TIMD4: variants seen among roughly 807,000 people sequenced by gnomAD.
TIMD4 encodes the protein T-cell immunoglobulin and mucin domain-containing protein 4.
Under a neutral mutation model 41.2 loss-of-function variants are expected in TIMD4, and 31 were observed. That is an observed-to-expected ratio of 0.75 (90% CI 0.57 to 1.01). TIMD4 has a LOEUF of 1.01. TIMD4 is among the 50% of genes least tolerant of loss of function. TIMD4 has a pLI of 0.00. For synonymous variants in TIMD4, 204 were observed against 177.1 expected (o/e 1.15, Z -1.21); for missense variants, 479 against 472.5 (o/e 1.01, Z -0.13).
chr5:156,944,574 G>A lies in TIMD4; in HGVS notation c.844+3842C>T, dbSNP rs1427447068. Among the ~76,000 whole-genome samples, 9 of 145,788 alleles carry A rather than the reference G, an allele frequency of 6.2e-5. No homozygotes were observed. The East Asian group carries it at 8.0e-4, about 13-fold the overall frequency. Reference sequence around the variant, plus strand: ...GGCTGGAGTACAGTGGCGCGATCTCGGCTCACTGCAAGCTCCGCCTCCTGG... The same window carrying A: ...GGCTGGAGTACAGTGGCGCGATCTCAGCTCACTGCAAGCTCCGCCTCCTGG... On this transcript the variant is annotated intron_variant, in intron 5 of 8. Coordinates refer to ENST00000274532, the MANE Select transcript of TIMD4 (RefSeq NM_138379.3).
intron 5 of TIMD4, among the ~76,000 whole-genome samples, chr5:156,934,428 G>A (rs1759502366): frequency 1.3e-5 from 2 of 151,816 alleles, no homozygotes; most frequent in African/African-American, 4.9e-5. Flanking sequence ...GCTAGTGTGT[G>A]TGGTTTTTTT....
chr5:156,927,807 T>C (rs1759375596), intron 5 of TIMD4, among the ~76,000 whole-genome samples: 1 of 150,318 alleles, frequency 6.7e-6, no homozygotes, highest in South Asian at 2.1e-4. Flanking sequence ...GGGGAAGGAG[T>C]GGAGAAGGGT....
intron 1 of TIMD4, among the ~76,000 whole-genome samples, chr5:156,957,998 G>A (rs547256023): frequency 6.6e-6 from 1 of 152,126 alleles, no homozygotes; most frequent in African/African-American, 2.4e-5. Context: ...ATCTGGCCGG[G>A]CGCGGTGGCT....
intron 5 of TIMD4, among the ~76,000 whole-genome samples, chr5:156,928,561 G>A (rs1241140378): frequency 6.6e-6 from 1 of 152,084 alleles, no homozygotes; most frequent in Non-Finnish European, 1.5e-5. Flanking sequence ...GAGAGGTCCT[G>A]GATATAATAA....
At position 156,952,410 on chromosome 5, in the gene TIMD4, C is replaced by T. The variant is rs1318281351; in HGVS notation, c.401-620G>A. Among the ~76,000 whole-genome samples the T allele has an allele frequency of 5.3e-5, 8 of 152,238 alleles. No homozygotes were observed. The East Asian group carries it at 1.5e-3, about 29-fold the overall frequency. On this transcript the variant is annotated intron_variant, in intron 2 of 8. Transcript: ENST00000274532. ...GCACCTTGGCCTGCAAGCTACAAGC[C>T]TCCATTTGACCCCATCTTGCCTTTC... is the stretch of plus-strand genomic sequence containing the variant.
Position 156,954,587 on chromosome 5 carries a change from C to T in TIMD4, c.228G>A (p.Val76=), listed in dbSNP as rs1759932564. The change falls in exon 2 of 9, where the codon GTG becomes GTA. Residue 76 remains valine, a synonymous_variant. Transcript: ENST00000274532. The stretch of plus-strand genomic sequence containing the variant: ...TATATTTTGCTGACTTTCTTGAGGT[C>T]ACCCTCATTCCATCAGTGCGGATGA... The part of the protein sequence containing the change: ...EALIRTDGMR[V]TSRKSAKYRL... 3 of 1,614,242 alleles carry T rather than the reference C, an allele frequency of 1.9e-6. No individual in the cohort carries two copies. The highest frequency in any genetic ancestry group is 2.5e-6 in the Non-Finnish European group (3 of 1,180,036).
intron 5 of TIMD4, among the ~76,000 whole-genome samples, chr5:156,938,007 T>G (rs528123792): frequency 6.6e-6 from 1 of 152,244 alleles, no homozygotes; most frequent in Non-Finnish European, 1.5e-5. Flanking sequence ...CCTTTCTCTG[T>G]TCCTTCTGCT....
intron 2 of TIMD4, 64 bp from the exon 3 acceptor site, chr5:156,951,854 G>C: frequency 6.3e-7 from 1 of 1,593,872 alleles, no homozygotes; most frequent in Non-Finnish European, 8.6e-7. Context: ...AATAATGCAA[G>C]TATATCTGGG....
At chr5:156,928,388 G>C (rs1381395061) in intron 5 of TIMD4, among the ~76,000 whole-genome samples, 1 of 152,048 alleles carries the variant, frequency 6.6e-6, no homozygotes, top group Admixed American at 6.6e-5. Context: ...GTAGGCAGAG[G>C]AGGTGGAGGA....
At chr5:156,954,211 G>C (rs1759918873) in intron 2 of TIMD4, among the ~76,000 whole-genome samples, 1 of 152,146 alleles carries the variant, frequency 6.6e-6, no homozygotes, top group Non-Finnish European at 1.5e-5. Flanking sequence ...TGCAATTCAC[G>C]AGTTCCCTTT....
chr5:156,958,952 C>G (rs561158305), intron 1 of TIMD4, among the ~76,000 whole-genome samples: 21 of 151,932 alleles, frequency 1.4e-4, no homozygotes, highest in Non-Finnish European at 2.1e-4. Context: ...AATATAAAAC[C>G]CTTCTTGTAA....
Position 156,951,366 on chromosome 5 carries a change from CG to C in TIMD4, c.679+145del, listed in dbSNP as rs1264650945. On this transcript the variant is annotated intron_variant, in intron 3 of 8. Coordinates refer to ENST00000274532, the MANE Select transcript of TIMD4 (RefSeq NM_138379.3). ...TCTGTTGTTTAAGCTACCCAGTCTG[CG>C]GTGTTTGTTTGATAGGCCTAGCAGA... The C allele has an allele frequency of 6.1e-6, 6 of 990,022 alleles. No homozygotes were observed. In the Admixed American group the frequency reaches 1.7e-4, roughly 27 times the overall value. The allele number at this position is 990,022 out of a possible 1,614,324, so 61.3% of individuals were successfully genotyped here. A position where few individuals can be genotyped will look rare whatever the true frequency, so the allele number is the denominator to read the frequency against.
chr5:156,931,908 A>T (rs1317076190), intron 5 of TIMD4, among the ~76,000 whole-genome samples: 2 of 147,324 alleles, frequency 1.4e-5, no homozygotes, highest in Non-Finnish European at 2.9e-5. Context: ...TCACCAACTG[A>T]TCTCCTATAT....
At position 156,951,551 on chromosome 5, in the gene TIMD4, T is replaced by C; in HGVS notation, c.640A>G (p.Thr214Ala). Residue 214 changes from threonine to alanine, a missense_variant, in exon 3 of 9, where the codon ACT becomes GCT. Transcript: ENST00000274532. ...TLPEEATGLL[T>A]PEPSKEGPIL... ...GGCCCTTCCTTAGAAGGCTCGGGAG[T>C]CAGAAGACCTGTGGCTTCCTCCGGA... is the stretch of plus-strand genomic sequence containing the variant. 1 of 1,613,942 alleles carries C rather than the reference T, an allele frequency of 6.2e-7. No individual in the cohort carries two copies. Among genetic ancestry groups the C allele is most frequent in the East Asian group, 2.2e-5 (1 of 44,870 alleles).
chr5:156,954,081 C>A (rs1446947241), intron 2 of TIMD4, among the ~76,000 whole-genome samples: 2 of 152,102 alleles, frequency 1.3e-5, no homozygotes, highest in South Asian at 2.1e-4. Flanking sequence ...TGAAATCTGG[C>A]AACATGTAAA....
chr5:156,954,323 A>C lies in TIMD4; in HGVS notation c.400+92T>G, dbSNP rs776657556. The C allele has an allele frequency of 1.3e-5, 16 of 1,265,612 alleles. No individual in the cohort carries two copies. The African/African-American group carries it at 2.4e-4, about 19-fold the overall frequency. The allele number at this position is 1,265,612 out of a possible 1,614,324, so 78.4% of individuals were successfully genotyped here. Reference sequence around the variant, plus strand: ...AATCTTCCCACTCACTGTGAAAGCAACTCTAACCTCTTCACCACCATCCAC... The same window carrying C: ...AATCTTCCCACTCACTGTGAAAGCACCTCTAACCTCTTCACCACCATCCAC... On this transcript the variant is annotated intron_variant, in intron 2 of 8. Coordinates refer to ENST00000274532, the MANE Select transcript of TIMD4 (RefSeq NM_138379.3).
chr5:156,948,392 T>TAA (rs769892929), intron 5 of TIMD4, 24 bp downstream of exon 5: 1 of 1,291,462 alleles, frequency 7.7e-7, no homozygotes. Flanking sequence ...TAAAATAAAA[T>TAA]AAAAAAAATC....
intron 5 of TIMD4, among the ~76,000 whole-genome samples, chr5:156,940,550 G>A (rs1055234877): frequency 1.1e-4 from 16 of 151,748 alleles, no homozygotes; most frequent in Admixed American, 3.9e-4. Flanking sequence ...GGGATGTAGG[G>A]AGTGCCTCTG....
intron 5 of TIMD4, 52 bp downstream of exon 5, chr5:156,948,362 AAT>A: frequency 1.9e-6 from 2 of 1,060,128 alleles, no homozygotes; most frequent in Non-Finnish European, 2.4e-6. Flanking sequence ...TAAAAAAAAT[AAT>A]AATAATAATT....
Sources: gnomAD v4.1 joint callset for allele counts (sites outside exome capture counted in the v4.1 genomes callset) on GRCh38, gnomAD v4.1.1 for gene constraint, MANE v1.5 for transcripts, NCBI Gene and HGNC (gene_info 2026-07-23, HGNC 2026-07-21) for gene names.